The following NPAS3 variants were observed in gnomAD, a reference collection of about 807,000 sequenced individuals.
The protein encoded by NPAS3 is neuronal PAS domain protein 3, also known as neuronal PAS domain-containing protein 3.
A neutral mutation model predicts 73.1 loss-of-function variants in NPAS3; 14 were observed. The ratio of observed to expected loss-of-function variants is 0.19; its 90% CI spans 0.13 to 0.30. The LOEUF is 0.30. Ranked by LOEUF, NPAS3 falls within the 10% of genes least tolerant of loss-of-function variation. The probability of loss-of-function intolerance (pLI) is 1.00; values close to 1 mark genes in which losing one functional copy is unlikely to be tolerated. For missense variants in NPAS3, 1,096 were observed against 1,250.0 expected, an observed-to-expected ratio of 0.88 and a Z score of 1.86; for synonymous variants, 620 against 541.5, an observed-to-expected ratio of 1.14 and a Z score of -2.01.
At chr14:33,194,901 GTAGCATTTAGGATCAGCCTA>G (rs2046296180) in intron 2 of NPAS3, among the ~76,000 whole-genome samples, 2 of 152,140 alleles carry the variant, frequency 1.3e-5, no homozygotes, top group Non-Finnish European at 2.9e-5. Context: ...TTAGGAAGAA[GTAGCATTTAGGATCAGCCTA>G]TAGCATTTAG....
intron 1 of NPAS3, among the ~76,000 whole-genome samples, chr14:32,998,510 T>C (rs1446123940): frequency 6.6e-6 from 1 of 152,204 alleles, no homozygotes; most frequent in Non-Finnish European, 1.5e-5. Context: ...TTTAAAATGA[T>C]TAATGTTGTA....
intron 2 of NPAS3, among the ~76,000 whole-genome samples, chr14:33,059,197 A>G (rs1245957505): frequency 6.6e-6 from 1 of 152,198 alleles, no homozygotes; most frequent in Non-Finnish European, 1.5e-5. Flanking sequence ...TTCCAACTAT[A>G]ATTCTATGGT....
At chr14:33,650,232 G>T (rs1441173893) in intron 5 of NPAS3, among the ~76,000 whole-genome samples, 10 of 152,212 alleles carry the variant, frequency 6.6e-5, no homozygotes, top group African/African-American at 9.7e-5. Flanking sequence ...GAGGTTGCTT[G>T]TAGGTAAGGA....
intron 3 of NPAS3, among the ~76,000 whole-genome samples, chr14:33,224,533 A>T (rs1475339573): frequency 6.6e-6 from 1 of 151,938 alleles, no homozygotes; most frequent in Non-Finnish European, 1.5e-5. Context: ...AGGCCAATAG[A>T]TATTTTTTTT....
chr14:33,789,639 A>T (rs2063291560), intron 9 of NPAS3, among the ~76,000 whole-genome samples: 1 of 118,212 alleles, frequency 8.5e-6, no homozygotes, highest in Admixed American at 1.1e-4. Context: ...CCCAGGCTGG[A>T]GTGCAGTGGC....
At chr14:33,571,921 T>G (rs2139823213) in intron 5 of NPAS3, among the ~76,000 whole-genome samples, 1 of 152,356 alleles carries the variant, frequency 6.6e-6, no homozygotes, top group African/African-American at 2.4e-5. Context: ...TATAGGTCAG[T>G]GATGTCAATA....
chr14:33,246,775 C>G (rs2048399476), intron 3 of NPAS3, among the ~76,000 whole-genome samples: 1 of 138,732 alleles, frequency 7.2e-6, no homozygotes, highest in South Asian at 2.3e-4. Flanking sequence ...GGTGGATCAC[C>G]TGAGGATCAG....
intron 2 of NPAS3, among the ~76,000 whole-genome samples, chr14:33,180,743 G>C (rs1239755604): frequency 7.3e-6 from 1 of 137,708 alleles, no homozygotes; most frequent in African/African-American, 2.7e-5. Context: ...AGCTTGCAGT[G>C]AGCAGAGATC....
intron 3 of NPAS3, among the ~76,000 whole-genome samples, chr14:33,263,500 C>A (rs1439391434): frequency 6.6e-6 from 1 of 152,190 alleles, no homozygotes; most frequent in African/African-American, 2.4e-5. Context: ...GGTACCAGTA[C>A]CACGCTGTTT....
intron 5 of NPAS3, among the ~76,000 whole-genome samples, chr14:33,612,823 T>A (rs2057793363): frequency 6.6e-6 from 1 of 152,174 alleles, no homozygotes; most frequent in Non-Finnish European, 1.5e-5. Context: ...GGATGGGAAA[T>A]CTGAGGCTTC....
At position 33,360,847 on chromosome 14, in the gene NPAS3, G is replaced by A. The variant is rs879695029; in HGVS notation, c.386-6339G>A. Among the ~76,000 whole-genome samples, 13 of 151,950 alleles carry A rather than the reference G, an allele frequency of 8.6e-5. 1 individual carries two copies. Among genetic ancestry groups the A allele is most frequent in the South Asian group, 8.3e-4 (4 of 4,820 alleles). On this transcript the variant is annotated intron_variant, in intron 3 of 11. Coordinates refer to ENST00000356141, the Ensembl canonical transcript of NPAS3. ...TTCCCTCATGTACCCTACTCTCCAC[G>A]CCTCGGCCCAGGCTGTGGATCACGC...
At chr14:33,379,447 A>G (rs528900957) in intron 4 of NPAS3, among the ~76,000 whole-genome samples, 1 of 152,208 alleles carries the variant, frequency 6.6e-6, no homozygotes, top group Non-Finnish European at 1.5e-5. Flanking sequence ...TAATGTGTGT[A>G]AATATCTGCA....
At chr14:33,178,325 G>C (rs749786918) in intron 2 of NPAS3, among the ~76,000 whole-genome samples, 1 of 151,880 alleles carries the variant, frequency 6.6e-6, no homozygotes, top group African/African-American at 2.4e-5. Context: ...TGCCTGCCTC[G>C]GCCTCCCAAA....
intron 2 of NPAS3, among the ~76,000 whole-genome samples, chr14:33,154,554 C>A (rs1327770785): frequency 1.3e-5 from 2 of 152,314 alleles, no homozygotes; most frequent in South Asian, 2.1e-4. Context: ...AAGCCACTTT[C>A]ATTCACTGAT....
chr14:32,939,154 ACGGCCC>A (rs538787239), upstream of NPAS3: 13,371 of 143,992 alleles, frequency 0.093, 794 homozygotes, highest in East Asian at 0.26. Flanking sequence ...GGCCACGGCC[ACGGCCC>A]CGGCCCCGGC....
chr14:33,800,412 G>A lies in NPAS3; in HGVS notation c.2105G>A (p.Gly702Asp), dbSNP rs1466620481. The A allele has an allele frequency of 6.3e-7, 1 of 1,599,456 alleles. No individual in the cohort carries two copies. The highest frequency in any genetic ancestry group is 1.1e-5 in the South Asian group (1 of 89,752). The change falls in exon 12 of 12, where the codon GGC becomes GAC. Residue 702 changes from glycine to aspartate, a missense_variant. By Grantham distance (94) the Gly-to-Asp change is moderately conservative. Transcript: ENST00000356141. This position sits in a 1 kb window ranked among gnomAD's most constrained non-coding sequence, Gnocchi z 6.5. ...CCGCAGGGCGGCGGCGGTGGGGGTG[G>A]CGGTGGCGGGGGGCTGCACGTGGCC...
At chr14:33,698,151 A>C (rs1275911300) in intron 6 of NPAS3, among the ~76,000 whole-genome samples, 2 of 152,224 alleles carry the variant, frequency 1.3e-5, no homozygotes, top group African/African-American at 4.8e-5. Context: ...CACTGACAGT[A>C]AATGACAAAT....
intron 5 of NPAS3, among the ~76,000 whole-genome samples, chr14:33,567,774 G>A (rs1363385672): frequency 6.6e-6 from 1 of 152,174 alleles, no homozygotes; most frequent in East Asian, 1.9e-4. Context: ...GCTTTCATCA[G>A]TGCCCAAATG....
intron 5 of NPAS3, among the ~76,000 whole-genome samples, chr14:33,626,443 T>C (rs2058222340): frequency 6.6e-6 from 1 of 152,144 alleles, no homozygotes; most frequent in South Asian, 2.1e-4. Flanking sequence ...TCTCCAGGGG[T>C]GTATACGTCC....
Sources: gnomAD v4.1 joint callset for allele counts (sites outside exome capture counted in the v4.1 genomes callset) on GRCh38, gnomAD v4.1.1 for gene constraint, Gnocchi (gnomAD v3.1) non-coding constraint, MANE v1.5 for transcripts, NCBI Gene and HGNC (gene_info 2026-07-23, HGNC 2026-07-21) for gene names.